The following ZC3H7A variants were observed in gnomAD, a reference collection of about 807,000 sequenced individuals.
ZC3H7A encodes the protein zinc finger CCCH domain-containing protein 7A.
A neutral mutation model predicts 125.5 loss-of-function variants in ZC3H7A; 44 were observed. That is an observed-to-expected ratio of 0.35 (90% confidence interval 0.28 to 0.45). ZC3H7A has a LOEUF of 0.45. Ranked by LOEUF, ZC3H7A falls within the 20% of genes least tolerant of loss-of-function variation. ZC3H7A has a pLI of 1.00. For synonymous variants in ZC3H7A, 399 were observed against 391.2 expected (o/e 1.02, Z -0.23); for missense variants, 977 against 1,170.7 (o/e 0.83, Z 2.41).
chr16:11,771,170 C>A (rs979044530), intron 9 of ZC3H7A, among the ~76,000 whole-genome samples, 183 bp from the exon 10 acceptor site: 1 of 152,092 alleles, frequency 6.6e-6, no homozygotes, highest in Non-Finnish European at 1.5e-5. Flanking sequence ...GGCGGACTGC[C>A]TGAGCTCAGG....
intron 21 of ZC3H7A, among the ~76,000 whole-genome samples, chr16:11,755,741 T>A (rs537560982): frequency 1.3e-5 from 2 of 152,058 alleles, no homozygotes; most frequent in Non-Finnish European, 2.9e-5. Context: ...GTCAGAAGGA[T>A]TGAAGAAAGG....
At chr16:11,752,866 C>A in intron 21 of ZC3H7A, 34 bp from the exon 22 acceptor site, 2 of 1,598,084 alleles carry the variant, frequency 1.3e-6, no homozygotes, top group South Asian at 1.1e-5. Flanking sequence ...TCCCATTAGT[C>A]ACCTGATGTG....
chr16:11,779,424 T>C, intron 3 of ZC3H7A, 61 bp from the exon 4 acceptor site: 1 of 1,461,348 alleles, frequency 6.8e-7, no homozygotes, highest in Admixed American at 2.2e-5. Context: ...TATAAGTAAA[T>C]TTTAATTTTT....
Position 11,765,553 on chromosome 16 carries a change from T to C in ZC3H7A, c.1655A>G (p.Lys552Arg), listed in dbSNP as rs146429853. 3 of 1,614,094 alleles carry C rather than the reference T, an allele frequency of 1.9e-6. No homozygotes were observed. Among genetic ancestry groups the C allele is most frequent in the Non-Finnish European group, 2.5e-6 (3 of 1,180,040 alleles). Residue 552 changes from lysine (K) to arginine (R), a missense_variant, in exon 14 of 23, where the codon AAG (lysine) becomes AGG (arginine). Coordinates refer to ENST00000355758, the MANE Select transcript of ZC3H7A (RefSeq NM_014153.4). The surrounding 1 kb of genome is among the most constrained non-coding windows in gnomAD (Gnocchi z 4.8). ...SREAFFGGNGKINLTVFKLLQ... is the reference protein window; with the variant it reads ...SREAFFGGNGRINLTVFKLLQ... ...AAGTTTGAACACAGTAAGGTTAATCTTTCCATTGCCGCCAAAGAAAGCCTC... is the reference window on the plus strand; with the variant it reads ...AAGTTTGAACACAGTAAGGTTAATCCTTCCATTGCCGCCAAAGAAAGCCTC...
In ZC3H7A at chr16:11,758,500, C is replaced by T; in HGVS notation, c.2359G>A (p.Val787Ile). 6.2e-7 allele frequency: 1 copy of T among 1,613,842 alleles called. No homozygotes were observed. Among genetic ancestry groups the T allele is most frequent in the Non-Finnish European group, 8.5e-7 (1 of 1,179,828 alleles). Residue 787 changes from valine (V) to isoleucine (I), a missense_variant, in exon 20 of 23, where the codon GTT becomes ATT. Val to Ile is a conservative substitution (Grantham distance 29). Around this residue, in one of 3 missense-constraint regions of ZC3H7A, gnomAD observed 436 missense variants for 603.2 expected, o/e 0.72. Transcript: ENST00000355758. ...CTATGAGCAAAGGAACAGTTTCCAA[C>T]ATATTGACATTTTTTCCCAGAAGCA... ...HIASGKKCQY[V>I]GNCSFAHSPE...
chr16:11,751,055 C>T lies in ZC3H7A; in HGVS notation c.*262G>A. The T allele has an allele frequency of 2.8e-6, 1 of 353,752 alleles. No individual in the cohort carries two copies. Among genetic ancestry groups the T allele is most frequent in the Admixed American group, 4.5e-5 (1 of 22,440 alleles). The allele number at this position is 353,752 out of a possible 1,614,324, so 21.9% of individuals were successfully genotyped here. A position where few individuals can be genotyped will look rare whatever the true frequency, so the allele number is the denominator to read the frequency against. On this transcript the variant is annotated 3_prime_UTR_variant, in exon 23 of 23. Transcript: ENST00000355758. ...CTAGATATAACCTTATCCTCTTCCCCAACACACTTCATCCAAAAGTCTGTT... is the reference window on the plus strand; with the variant it reads ...CTAGATATAACCTTATCCTCTTCCCTAACACACTTCATCCAAAAGTCTGTT...
At chr16:11,753,435 A>C (rs2052584386) in intron 21 of ZC3H7A, among the ~76,000 whole-genome samples, 1 of 152,152 alleles carries the variant, frequency 6.6e-6, no homozygotes. Flanking sequence ...GGTATAAATG[A>C]AGACTTTTTA....
At chr16:11,756,970 A>C (rs549736342) in intron 20 of ZC3H7A, among the ~76,000 whole-genome samples, 1 of 134,888 alleles carries the variant, frequency 7.4e-6, no homozygotes, top group South Asian at 2.6e-4. Context: ...GAACAGGTGT[A>C]TTCTGCATTA....
intron 1 of ZC3H7A, among the ~76,000 whole-genome samples, chr16:11,789,245 T>A (rs1438464320): frequency 6.6e-6 from 1 of 152,120 alleles, no homozygotes; most frequent in Non-Finnish European, 1.5e-5. Context: ...GGTAAAAGTA[T>A]TCTGTGTATA....
At position 11,774,245 on chromosome 16, in the gene ZC3H7A, T is replaced by G; in HGVS notation, c.894A>C (p.Glu298Asp). 1.3e-6 allele frequency: 2 copies of G among 1,581,608 alleles called. No homozygotes were observed. Among genetic ancestry groups the G allele is most frequent in the South Asian group, 1.2e-5 (1 of 86,228 alleles). Residue 298 changes from glutamate to aspartate, a missense_variant, in exon 9 of 23, where the codon GAA becomes GAC. Glu to Asp is a conservative substitution (Grantham distance 45). Around this residue, in one of 3 missense-constraint regions of ZC3H7A, gnomAD observed 342 missense variants for 311.3 expected, o/e 1.10. Coordinates refer to ENST00000355758, the MANE Select transcript of ZC3H7A (RefSeq NM_014153.4). ...TAACACTGAAACTTACCATAACAGT[T>G]TCATTAGTTTCAGGTGCAGAATCAA... ...DLLDSAPETNETVMPSALVRG... is the reference protein window; with the variant it reads ...DLLDSAPETNDTVMPSALVRG...
chr16:11,772,375 C>A (rs1315330174), intron 9 of ZC3H7A, among the ~76,000 whole-genome samples: 1 of 151,654 alleles, frequency 6.6e-6, no homozygotes. Flanking sequence ...CAGGCCCCAT[C>A]AAAGCTGCAA....
In ZC3H7A at chr16:11,765,195, A is replaced by T; in HGVS notation, c.1720-42T>A. ...AAGATTATCAAAAAAAATACAAAAT[A>T]TAAATTTTGTACCCAGAATATTGTC... On this transcript the variant is annotated intron_variant, in intron 14 of 22. Transcript: ENST00000355758. This position sits in a 1 kb window ranked among gnomAD's most constrained non-coding sequence, Gnocchi z 4.8. 2 of 1,264,058 alleles carry T rather than the reference A, an allele frequency of 1.6e-6. No individual in the cohort carries two copies. The highest frequency in any genetic ancestry group is 2.2e-6 in the Non-Finnish European group (2 of 917,948). The allele number at this position is 1,264,058 out of a possible 1,614,324, so 78.3% of individuals were successfully genotyped here. A position where few individuals can be genotyped will look rare whatever the true frequency, so the allele number is the denominator to read the frequency against.
At chr16:11,754,291 C>CAA (rs71136680) in intron 21 of ZC3H7A, among the ~76,000 whole-genome samples, 699 of 46,450 alleles carry the variant, frequency 0.015, 19 homozygotes, top group East Asian at 0.075. Flanking sequence ...GACCCTGTCT[C>CAA]AAAAAAAAAA....
At chr16:11,769,124 C>A (rs2052921976) in intron 10 of ZC3H7A, 29 bp from the exon 11 acceptor site, 2 of 1,579,940 alleles carry the variant, frequency 1.3e-6, no homozygotes, top group Admixed American at 1.8e-5. Flanking sequence ...TTCAACAGAC[C>A]TTTTCATTCT....
chr16:11,771,155 C>T (rs528675146), intron 9 of ZC3H7A, among the ~76,000 whole-genome samples, 168 bp from the exon 10 acceptor site: 80 of 152,214 alleles, frequency 5.3e-4, no homozygotes, highest in Admixed American at 8.5e-4. Flanking sequence ...TGGGAGGCTA[C>T]GGCAGGCGGA....
chr16:11,790,079 CAAAAAAA>C (rs150579733), intron 1 of ZC3H7A, among the ~76,000 whole-genome samples: 30 of 73,552 alleles, frequency 4.1e-4, no homozygotes, highest in Admixed American at 6.5e-4. Flanking sequence ...GACTCCATCT[CAAAAAAA>C]AAAAAAAAAA....
chr16:11,783,595 G>T (rs1194481085), intron 1 of ZC3H7A, among the ~76,000 whole-genome samples: 1 of 152,084 alleles, frequency 6.6e-6, no homozygotes, highest in African/African-American at 2.4e-5. Flanking sequence ...TAAATGTCAG[G>T]GTGGGGAAAG....
chr16:11,770,793 T>C lies in ZC3H7A; in HGVS notation c.1098A>G (p.Glu366=), dbSNP rs763401127. 3 of 1,612,548 alleles carry C rather than the reference T, an allele frequency of 1.9e-6. No homozygotes were observed. The highest frequency in any genetic ancestry group is 2.7e-5 in the African/African-American group (2 of 74,898). ...CSSLNSFSMS[E]SKRDLSTSTS... is the part of the protein sequence containing the mutation. ...AGATTTGGTTCTTACCTCGTTTGGA[T>C]TCACTCATTGAAAATGAATTTAAAG... is the stretch of plus-strand genomic sequence containing the variant. The change falls in exon 10 of 23, where the codon GAA becomes GAG. Residue 366 remains glutamate, a synonymous_variant. Transcript: ENST00000355758.
intron 1 of ZC3H7A, among the ~76,000 whole-genome samples, chr16:11,788,616 C>CTTTTTTT: frequency 7.1e-6 from 1 of 141,564 alleles, no homozygotes; most frequent in Non-Finnish European, 1.6e-5. Context: ...TTTTTTCTTT[C>CTTTTTTT]TTTTTTTTTT....
Sources: allele counts gnomAD v4.1 joint callset (sites outside exome capture counted in the v4.1 genomes callset), GRCh38; gene constraint gnomAD v4.1.1; regional missense constraint gnomAD v4.1.1; non-coding constraint Gnocchi (gnomAD v3.1); transcripts MANE v1.5; gene names NCBI Gene and HGNC (gene_info 2026-07-23, HGNC 2026-07-21).